LAMA2: variants seen among roughly 807,000 people sequenced by gnomAD.
LAMA2 encodes the protein laminin subunit alpha 2, also known as laminin subunit alpha-2.
LAMA2 carries 269 observed loss-of-function variants against 364.8 expected under a neutral mutation model. The observed-to-expected ratio is 0.74, with a 90% CI of 0.67 to 0.82. The LOEUF is 0.82. Ranked by LOEUF, LAMA2 falls within the 40% of genes least tolerant of loss-of-function variation. LAMA2 has a pLI of 0.00. For missense variants in LAMA2, 3,807 were observed against 3,873.2 expected, an observed-to-expected ratio of 0.98 and a Z score of 0.45; for synonymous variants, 1,379 against 1,370.6, an observed-to-expected ratio of 1.01 and a Z score of -0.14.
chr6:129,329,053 A>G (rs1400824001), intron 29 of LAMA2, among the ~76,000 whole-genome samples: 2 of 152,158 alleles, frequency 1.3e-5, no homozygotes, highest in African/African-American at 4.8e-5. Flanking sequence ...CATTAGAACA[A>G]TCAGAACAAT....
intron 4 of LAMA2, among the ~76,000 whole-genome samples, chr6:129,110,519 G>A (rs190233075): frequency 5.0e-4 from 76 of 152,182 alleles, no homozygotes; most frequent in African/African-American, 1.7e-3. Flanking sequence ...TATTGTTTGT[G>A]TTATCAATAA....
chr6:129,440,272 T>G, intron 42 of LAMA2, among the ~76,000 whole-genome samples: 1 of 146,360 alleles, frequency 6.8e-6, no homozygotes, highest in East Asian at 2.0e-4. Context: ...TTTTTACTTT[T>G]TTAACGTTTA....
intron 14 of LAMA2, among the ~76,000 whole-genome samples, chr6:129,259,132 A>G (rs913334050): frequency 6.6e-6 from 1 of 152,106 alleles, no homozygotes; most frequent in Non-Finnish European, 1.5e-5. Flanking sequence ...AAGTACTGTC[A>G]AGTGTCTAGG....
Position 129,225,327 on chromosome 6 carries a change from A to C in LAMA2, c.1783-24785A>C, listed in dbSNP as rs1420482680. On this transcript the variant is annotated intron_variant, in intron 12 of 64. Coordinates refer to ENST00000421865, the MANE Select transcript of LAMA2 (RefSeq NM_000426.4). ...TTGTTGAAGGGTTTTTTGTGACTCT[A>C]TCTCCTTCAGTTCTGCTCTGATCTT... Among the ~76,000 whole-genome samples the C allele has an allele frequency of 2.6e-5, 4 of 152,018 alleles. No homozygotes were observed. In the East Asian group the frequency reaches 5.8e-4, roughly 22 times the overall value.
chr6:129,353,056 TG>T, intron 31 of LAMA2, 107 bp from the exon 32 acceptor site: 1 of 755,646 alleles, frequency 1.3e-6, no homozygotes. Flanking sequence ...AACTAATGTA[TG>T]GACTCTTGCT....
intron 3 of LAMA2, among the ~76,000 whole-genome samples, chr6:129,074,072 A>G (rs1773482618): frequency 6.6e-6 from 1 of 151,858 alleles, no homozygotes; most frequent in Non-Finnish European, 1.5e-5. Context: ...TTTCTAGTTT[A>G]CTCTTAGTTC....
chr6:128,894,802 T>C (rs954232283), intron 1 of LAMA2, among the ~76,000 whole-genome samples: 1 of 152,254 alleles, frequency 6.6e-6, no homozygotes, highest in Admixed American at 6.5e-5. Flanking sequence ...CTGCCTTGAT[T>C]TGTGCTAATG....
At chr6:129,226,523 C>A (rs1278346683) in intron 12 of LAMA2, among the ~76,000 whole-genome samples, 5 of 152,058 alleles carry the variant, frequency 3.3e-5, no homozygotes, top group East Asian at 3.9e-4. Context: ...TTAGGGCAGG[C>A]CTGGTGGTGA....
chr6:128,969,692 A>C (rs1430716865), intron 1 of LAMA2, among the ~76,000 whole-genome samples: 1 of 152,160 alleles, frequency 6.6e-6, no homozygotes, highest in East Asian at 1.9e-4. Context: ...AGACCTCCCA[A>C]AGTGCTGGGA....
intron 1 of LAMA2, among the ~76,000 whole-genome samples, chr6:128,960,429 C>T (rs1781409128): frequency 6.6e-6 from 1 of 151,642 alleles, no homozygotes; most frequent in Admixed American, 6.6e-5. Context: ...GCCTCTGCCT[C>T]CCAGGTTCCA....
At chr6:129,247,747 G>C (rs2114266565) in intron 12 of LAMA2, among the ~76,000 whole-genome samples, 1 of 152,234 alleles carries the variant, frequency 6.6e-6, no homozygotes, top group East Asian at 1.9e-4. Context: ...ATACACAAAA[G>C]AGTTTAGAAA....
At chr6:128,932,911 A>G (rs922932749) in intron 1 of LAMA2, among the ~76,000 whole-genome samples, 1 of 152,202 alleles carries the variant, frequency 6.6e-6, no homozygotes, top group Non-Finnish European at 1.5e-5. Context: ...ATTATTAACT[A>G]TAGTTACTAT....
chr6:129,199,303 C>A (rs1263793536), intron 12 of LAMA2, among the ~76,000 whole-genome samples: 1 of 152,138 alleles, frequency 6.6e-6, no homozygotes, highest in African/African-American at 2.4e-5. Flanking sequence ...ATTAAACATT[C>A]TTCATGTCTG....
At chr6:129,029,251 T>C (rs1770462480) in intron 1 of LAMA2, among the ~76,000 whole-genome samples, 1 of 151,950 alleles carries the variant, frequency 6.6e-6, no homozygotes, top group African/African-American at 2.4e-5. Context: ...ACCATAGTGA[T>C]CTTAGAGCTC....
chr6:128,894,967 A>C (rs1363088894), intron 1 of LAMA2, among the ~76,000 whole-genome samples: 1 of 152,188 alleles, frequency 6.6e-6, no homozygotes, highest in Non-Finnish European at 1.5e-5. Flanking sequence ...GGATTCACAG[A>C]TCTTTCTTTG....
At chr6:129,007,211 T>A (rs1784497908) in intron 1 of LAMA2, among the ~76,000 whole-genome samples, 1 of 152,070 alleles carries the variant, frequency 6.6e-6, no homozygotes, top group African/African-American at 2.4e-5. Flanking sequence ...TTATATCTAT[T>A]TAAGATGGAT....
chr6:129,380,750 T>C (rs996868844), intron 34 of LAMA2, among the ~76,000 whole-genome samples: 1 of 152,058 alleles, frequency 6.6e-6, no homozygotes. Context: ...GCCAGGGAGG[T>C]TGATTGCATA....
intron 29 of LAMA2, among the ~76,000 whole-genome samples, chr6:129,336,397 A>G (rs1249041435): frequency 6.6e-6 from 1 of 152,258 alleles, no homozygotes; most frequent in Non-Finnish European, 1.5e-5. Flanking sequence ...AAATCCCAGT[A>G]AAATATCAAG....
chr6:129,442,745 G>T, intron 43 of LAMA2: 1 of 385,720 alleles, frequency 2.6e-6, no homozygotes, highest in South Asian at 2.3e-5. Flanking sequence ...GTGGCCTTTT[G>T]TCATATCTCT....
Sources: gnomAD v4.1 joint callset for allele counts (sites outside exome capture counted in the v4.1 genomes callset) on GRCh38, gnomAD v4.1.1 for gene constraint, MANE v1.5 for transcripts, NCBI Gene and HGNC (gene_info 2026-07-23, HGNC 2026-07-21) for gene names.